The following RAB27A variants were observed in gnomAD, a reference collection of about 807,000 sequenced individuals.
RAB27A encodes the protein RAB27A, member RAS oncogene family.
RAB27A carries 17 observed loss-of-function variants against 20.8 expected under a neutral mutation model. The ratio of observed to expected loss-of-function variants is 0.82; its 90% CI spans 0.56 to 1.23. The LOEUF is 1.23. RAB27A is among the 50% of genes most tolerant of loss of function. The probability of loss-of-function intolerance (pLI) is 0.00; values close to 1 mark genes in which losing one functional copy is unlikely to be tolerated. For missense variants in RAB27A, 277 were observed against 266.7 expected (o/e 1.04, Z -0.27); for synonymous variants, 85 against 92.8 (o/e 0.92, Z 0.48).
intron 2 of RAB27A, among the ~76,000 whole-genome samples, chr15:55,311,590 GAAAAGA>G (rs1197555742): frequency 2.6e-5 from 4 of 152,136 alleles, no homozygotes; most frequent in African/African-American, 9.7e-5. Flanking sequence ...GTCTCTTAAT[GAAAAGA>G]AAGTTTGTAC....
At chr15:55,309,448 T>C (rs2055011040) in intron 2 of RAB27A, among the ~76,000 whole-genome samples, 1 of 152,182 alleles carries the variant, frequency 6.6e-6, no homozygotes. Context: ...AATGGGCAGC[T>C]AAAAGTAAAT....
At chr15:55,226,404 G>A (rs530156534) in intron 5 of RAB27A, among the ~76,000 whole-genome samples, 49 of 152,096 alleles carry the variant, frequency 3.2e-4, no homozygotes, top group Middle Eastern at 3.4e-3. Context: ...GAAAGGGGAG[G>A]GTATATAGAC....
intron 1 of RAB27A, among the ~76,000 whole-genome samples, chr15:55,272,808 T>TA (rs1250060254): frequency 1.3e-5 from 2 of 152,166 alleles, no homozygotes; most frequent in Non-Finnish European, 2.9e-5. Context: ...AGGTAACTGA[T>TA]TAGCAGACCT....
intron 6 of RAB27A, among the ~76,000 whole-genome samples, chr15:55,223,533 A>G (rs1396932892): frequency 1.3e-5 from 2 of 151,920 alleles, no homozygotes; most frequent in African/African-American, 2.4e-5. Context: ...AAAGAAATGA[A>G]AAAAGAAATT....
At chr15:55,308,206 T>G (rs564128353) in intron 2 of RAB27A, among the ~76,000 whole-genome samples, 1 of 152,310 alleles carries the variant, frequency 6.6e-6, no homozygotes, top group Non-Finnish European at 1.5e-5. Flanking sequence ...TCCTTTCTGA[T>G]GACCCCGGCA....
At chr15:55,214,162 C>A (rs567623993) in intron 6 of RAB27A, among the ~76,000 whole-genome samples, 1 of 152,176 alleles carries the variant, frequency 6.6e-6, no homozygotes, top group African/African-American at 2.4e-5. Flanking sequence ...TGAGGCCGGG[C>A]GCGATGGCTG....
intron 2 of RAB27A, among the ~76,000 whole-genome samples, chr15:55,298,933 G>A (rs576407946): frequency 6.6e-6 from 1 of 152,292 alleles, no homozygotes; most frequent in South Asian, 2.1e-4. Flanking sequence ...CTTAATCCCT[G>A]AACAATTGCT....
Position 55,205,546 on chromosome 15 carries a change from C to G in RAB27A, c.627G>C (p.Gln209His), listed in dbSNP as rs776080472. Residue 209 changes from glutamine (Q) to histidine (H), a missense_variant, in exon 7 of 7, where the codon CAG becomes CAC. Transcript: ENST00000336787. ...VRSNGHASTD[Q>H]LSEEKEKGAC... is the part of the protein sequence containing the mutation. ...CCCCTTTCTCCTTTTCTTCACTTAA[C>G]TGATCCGTAGAGGCATGACCATTTG... 1.2e-6 allele frequency: 2 copies of G among 1,614,096 alleles called. No individual in the cohort carries two copies. The highest frequency in any genetic ancestry group is 1.3e-5 in the African/African-American group (1 of 74,948).
intron 2 of RAB27A, among the ~76,000 whole-genome samples, chr15:55,313,478 C>A (rs142408054): frequency 1.3e-5 from 2 of 152,128 alleles, no homozygotes; most frequent in Non-Finnish European, 2.9e-5. Context: ...TCCATTTATA[C>A]AACAATAATT....
chr15:55,261,052 G>A (rs1379703812), intron 2 of RAB27A, among the ~76,000 whole-genome samples: 2 of 152,050 alleles, frequency 1.3e-5, no homozygotes, highest in Non-Finnish European at 2.9e-5. Context: ...GGAATATATG[G>A]AAACTGTACT....
chr15:55,208,355 A>C (rs970892200), intron 6 of RAB27A, among the ~76,000 whole-genome samples: 3 of 152,236 alleles, frequency 2.0e-5, no homozygotes, highest in Non-Finnish European at 2.9e-5. Flanking sequence ...AAAGTAACCG[A>C]AAATTGTGGC....
At chr15:55,239,982 A>G (rs868268926) in intron 2 of RAB27A, among the ~76,000 whole-genome samples, 13 of 152,146 alleles carry the variant, frequency 8.5e-5, no homozygotes, top group African/African-American at 2.9e-4. Flanking sequence ...ATACCAGACT[A>G]TACTCCCACC....
In RAB27A at chr15:55,242,874, C is replaced by G. The variant is rs193284642; in HGVS notation, c.-22-7918G>C. 6.0e-4 allele frequency among the ~76,000 whole-genome samples: 91 copies of G among 152,282 alleles called. No individual in the cohort carries two copies. In the East Asian group the frequency reaches 8.3e-3, roughly 14 times the overall value. ...ATAAACCAGCTAGTTAGACATGGGGCTAATCTAGATCTCATGTCTCCTAAA... is the reference window on the plus strand; with the variant it reads ...ATAAACCAGCTAGTTAGACATGGGGGTAATCTAGATCTCATGTCTCCTAAA... On this transcript the variant is annotated intron_variant, in intron 2 of 6. Transcript: ENST00000336787.
chr15:55,295,440 C>A (rs2054944845), intron 2 of RAB27A, among the ~76,000 whole-genome samples: 1 of 152,196 alleles, frequency 6.6e-6, no homozygotes, highest in Admixed American at 6.5e-5. Flanking sequence ...CAGCCCAGAA[C>A]TGGAGACAAA....
chr15:55,234,369 T>A (rs1896164967), intron 3 of RAB27A, among the ~76,000 whole-genome samples: 1 of 152,198 alleles, frequency 6.6e-6, no homozygotes, highest in African/African-American at 2.4e-5. Flanking sequence ...TAGTGTTCCA[T>A]GTGGAACTGC....
In RAB27A at chr15:55,270,287, A is replaced by C. The variant is rs1897664782; in HGVS notation, c.-142-3T>G. 1 of 152,192 alleles carries C rather than the reference A, an allele frequency of 6.6e-6. No homozygotes were observed. The allele number at this position is 152,192 out of a possible 1,614,324, so 9.4% of individuals were successfully genotyped here. A position where few individuals can be genotyped will look rare whatever the true frequency, so the allele number is the denominator to read the frequency against. ...TCTTCAGGAAGGTTACTTTTTGTCT[A>C]ATGTTAAGACAAAGAGAAATGTTAA... On this transcript the variant is annotated splice_polypyrimidine_tract_variant and splice_region_variant and intron_variant, in intron 1 of 6. Transcript: ENST00000336787.
chr15:55,251,739 A>T (rs778379117), intron 2 of RAB27A, among the ~76,000 whole-genome samples: 1 of 152,290 alleles, frequency 6.6e-6, no homozygotes, highest in African/African-American at 2.4e-5. Context: ...AGGTACAAAA[A>T]TTTTTTAAAA....
At chr15:55,306,432 G>T (rs1595756589) in intron 2 of RAB27A, among the ~76,000 whole-genome samples, 1 of 152,152 alleles carries the variant, frequency 6.6e-6, no homozygotes, top group South Asian at 2.1e-4. Context: ...AGTTTTGAGA[G>T]ATCTAGTCCT....
rs372536800 is a variant in RAB27A, at chr15:55,244,089, T to C, written c.-22-9133A>G. On this transcript the variant is annotated intron_variant, in intron 2 of 6. Coordinates refer to ENST00000336787, the MANE Select transcript of RAB27A (RefSeq NM_183235.3). The stretch of plus-strand genomic sequence containing the variant: ...GCTGAGGCAGATGGATCACTTGAGG[T>C]CACGAGTTCGAGACCAGCCTGGCTG... Among the ~76,000 whole-genome samples the C allele has an allele frequency of 1.5e-4, 23 of 152,140 alleles. No homozygotes were observed. In the East Asian group the frequency reaches 4.1e-3, roughly 27 times the overall value.
Sources: gnomAD v4.1 joint callset for allele counts (sites outside exome capture counted in the v4.1 genomes callset) on GRCh38, gnomAD v4.1.1 for gene constraint, MANE v1.5 for transcripts, NCBI Gene and HGNC (gene_info 2026-07-23, HGNC 2026-07-21) for gene names.